Variants in OXR1 observed in about 807,000 individuals in gnomAD.
OXR1 encodes oxidation resistance 1, also known as oxidation resistance protein 1.
OXR1 carries 41 observed loss-of-function variants against 104.6 expected under a neutral mutation model. The ratio of observed to expected loss-of-function variants is 0.39; its 90% CI spans 0.31 to 0.51. The LOEUF (loss-of-function observed/expected upper bound fraction) is 0.51, where lower values mean the gene tolerates loss of function less well. OXR1 is among the 20% of genes least tolerant of loss of function. The probability of loss-of-function intolerance (pLI) is 0.77; values close to 1 mark genes in which losing one functional copy is unlikely to be tolerated. For synonymous variants in OXR1, 348 were observed against 348.4 expected (o/e 1.00, Z 0.01); for missense variants, 955 against 1,031.9 (o/e 0.93, Z 1.02).
intron 11 of OXR1, among the ~76,000 whole-genome samples, chr8:106,718,055 A>C (rs189053205): frequency 1.6e-3 from 244 of 152,342 alleles, no homozygotes; most frequent in Non-Finnish European, 2.9e-3. Flanking sequence ...TTCCAATGCA[A>C]GTCAATAACA....
intron 2 of OXR1, among the ~76,000 whole-genome samples, chr8:106,498,604 T>C (rs969606707): frequency 6.6e-6 from 1 of 152,164 alleles, no homozygotes; most frequent in Non-Finnish European, 1.5e-5. Flanking sequence ...ATTGCATCTT[T>C]ATGTTTCATT....
At chr8:106,360,927 C>A (rs1816217895) in intron 2 of OXR1, among the ~76,000 whole-genome samples, 1 of 151,970 alleles carries the variant, frequency 6.6e-6, no homozygotes, top group Non-Finnish European at 1.5e-5. Context: ...AAGGAAAGGG[C>A]AGGAGATTGA....
chr8:106,565,278 G>A (rs1177862048), intron 3 of OXR1, among the ~76,000 whole-genome samples: 8 of 152,104 alleles, frequency 5.3e-5, no homozygotes, highest in Admixed American at 5.2e-4. Context: ...CTTCAGTGAG[G>A]TCTCGGGATA....
rs771186809 is a variant in OXR1, at chr8:106,706,876, T to C, written c.1355T>C (p.Phe452Ser). The change falls in exon 9 of 17, where the codon TTT (phenylalanine) becomes TCT (serine). Residue 452 changes from phenylalanine (F) to serine (S), a missense_variant. Around this residue, in one of 2 missense-constraint regions of OXR1, gnomAD observed 849 missense variants for 852.9 expected, o/e 1.00. Coordinates refer to ENST00000517566, the MANE Select transcript of OXR1 (RefSeq NM_001198533.2). ...AAAGGTAATTCAGACCAGGATTCTTTTCTTCATGAGAATTCGTTACACCAA... is the reference window on the plus strand; with the variant it reads ...AAAGGTAATTCAGACCAGGATTCTTCTCTTCATGAGAATTCGTTACACCAA... Reference protein sequence around the residue: ...SIKGNSDQDSFLHENSLHQEE... With the variant: ...SIKGNSDQDSSLHENSLHQEE... 1.2e-6 allele frequency: 2 copies of C among 1,611,576 alleles called. No individual in the cohort carries two copies. Among genetic ancestry groups the C allele is most frequent in the South Asian group, 2.2e-5 (2 of 90,350 alleles).
chr8:106,382,993 T>C (rs1001585248), intron 2 of OXR1, among the ~76,000 whole-genome samples: 1 of 120,340 alleles, frequency 8.3e-6, no homozygotes, highest in African/African-American at 3.1e-5. Flanking sequence ...TACTTTTTCT[T>C]TTTTTTTTTG....
At chr8:106,561,322 A>G (rs931380960) in intron 3 of OXR1, among the ~76,000 whole-genome samples, 16 of 152,108 alleles carry the variant, frequency 1.1e-4, no homozygotes, top group African/African-American at 2.9e-4. Flanking sequence ...AAGCTTGAGT[A>G]GGCTGTTTTC....
intron 2 of OXR1, among the ~76,000 whole-genome samples, chr8:106,489,450 C>G (rs1377812702): frequency 1.3e-5 from 2 of 152,224 alleles, no homozygotes; most frequent in Middle Eastern, 3.4e-3. Context: ...GATAGATTTC[C>G]TTTAATAACT....
At chr8:106,331,213 ACATCT>A (rs1814700804) in intron 1 of OXR1, among the ~76,000 whole-genome samples, 1 of 152,184 alleles carries the variant, frequency 6.6e-6, no homozygotes, top group South Asian at 2.1e-4. Context: ...AAGTAAACAA[ACATCT>A]CATCCAGTGA....
intron 1 of OXR1, among the ~76,000 whole-genome samples, chr8:106,276,104 G>A (rs1812025513): frequency 6.6e-6 from 1 of 152,138 alleles, no homozygotes. Context: ...GGCTGATGTG[G>A]TTCCTTCTGA....
chr8:106,564,860 A>G (rs1410690703), intron 3 of OXR1, among the ~76,000 whole-genome samples: 1 of 152,220 alleles, frequency 6.6e-6, no homozygotes, highest in African/African-American at 2.4e-5. Context: ...CCATCACATA[A>G]ACAGAACCAA....
chr8:106,735,301 C>A, intron 11 of OXR1, among the ~76,000 whole-genome samples: 1 of 150,380 alleles, frequency 6.6e-6, no homozygotes. Flanking sequence ...GTTTTTAAGT[C>A]CTAGAAAAAA....
intron 11 of OXR1, among the ~76,000 whole-genome samples, chr8:106,723,078 A>C (rs1832963282): frequency 6.6e-6 from 1 of 151,904 alleles, no homozygotes; most frequent in African/African-American, 2.4e-5. Flanking sequence ...TATCTAGGCC[A>C]GGCGTGGTGG....
At chr8:106,564,408 C>G (rs1386991006) in intron 3 of OXR1, among the ~76,000 whole-genome samples, 1 of 152,016 alleles carries the variant, frequency 6.6e-6, no homozygotes, top group African/African-American at 2.4e-5. Flanking sequence ...TTCCTGGACA[C>G]ATACACACAC....
At chr8:106,652,620 A>T (rs1408535983) in intron 3 of OXR1, among the ~76,000 whole-genome samples, 1 of 146,892 alleles carries the variant, frequency 6.8e-6, no homozygotes, top group African/African-American at 2.5e-5. Flanking sequence ...CTAATGAGGT[A>T]TGTAGCTGTA....
chr8:106,466,314 T>C (rs1171427912), intron 2 of OXR1, among the ~76,000 whole-genome samples: 2 of 151,960 alleles, frequency 1.3e-5, no homozygotes, highest in Admixed American at 1.3e-4. Flanking sequence ...TTAATATTAT[T>C]GTTTTGAAAT....
intron 2 of OXR1, among the ~76,000 whole-genome samples, chr8:106,456,339 A>T (rs1820595404): frequency 6.6e-6 from 1 of 152,188 alleles, no homozygotes; most frequent in African/African-American, 2.4e-5. Context: ...TTTCCTGAAT[A>T]GCTTTTTATT....
chr8:106,390,330 G>T (rs1408834615), intron 2 of OXR1, among the ~76,000 whole-genome samples: 2 of 152,160 alleles, frequency 1.3e-5, no homozygotes, highest in Non-Finnish European at 2.9e-5. Context: ...CCTTTCTAGA[G>T]TCTGTCTCTT....
At chr8:106,280,541 A>T (rs1812237007) in intron 1 of OXR1, among the ~76,000 whole-genome samples, 1 of 152,090 alleles carries the variant, frequency 6.6e-6, no homozygotes, top group Admixed American at 6.6e-5. Context: ...ATTCATAGAG[A>T]CAGAAAGTAG....
chr8:106,287,647 A>G (rs567756876), intron 1 of OXR1, among the ~76,000 whole-genome samples: 22 of 115,522 alleles, frequency 1.9e-4, no homozygotes, highest in Non-Finnish European at 3.1e-4. Flanking sequence ...TGAGAAGAAC[A>G]TCCCATTTCA....
Sources: allele counts gnomAD v4.1 joint callset (sites outside exome capture counted in the v4.1 genomes callset), GRCh38; gene constraint gnomAD v4.1.1; regional missense constraint gnomAD v4.1.1; transcripts MANE v1.5; gene names NCBI Gene and HGNC (gene_info 2026-07-23, HGNC 2026-07-21).